Variants in TTYH2 observed in about 807,000 individuals in gnomAD.
The protein encoded by TTYH2 is protein tweety homolog 2.
A neutral mutation model predicts 68.3 loss-of-function variants in TTYH2; 49 were observed. That is an observed-to-expected ratio of 0.72 (90% CI 0.57 to 0.91). The LOEUF is 0.91. TTYH2 is among the 40% of genes least tolerant of loss of function. The probability of loss-of-function intolerance (pLI) is 0.00; values close to 1 mark genes in which losing one functional copy is unlikely to be tolerated. For synonymous variants in TTYH2, 272 were observed against 300.8 expected (o/e 0.90, Z 0.99); for missense variants, 631 against 700.4 (o/e 0.90, Z 1.12).
chr17:74,245,347 C>T (rs894987178), intron 6 of TTYH2, among the ~76,000 whole-genome samples: 6 of 152,272 alleles, frequency 3.9e-5, no homozygotes, highest in Admixed American at 6.5e-5. Flanking sequence ...ATGCAGGCAG[C>T]TGCCTGGCCT....
At chr17:74,244,697 G>A (rs9898356) in intron 6 of TTYH2, among the ~76,000 whole-genome samples, 4,542 of 152,268 alleles carry the variant, frequency 0.03, 112 homozygotes, top group Non-Finnish European at 0.045. Context: ...CATTCACTCA[G>A]CTGACATTGT....
chr17:74,250,438 C>A, intron 10 of TTYH2, 81 bp downstream of exon 10: 1 of 1,204,852 alleles, frequency 8.3e-7, no homozygotes, highest in Non-Finnish European at 1.2e-6. Flanking sequence ...CCGGTAGAGG[C>A]CGAGGGGAGC....
At position 74,225,962 on chromosome 17, in the gene TTYH2, A is replaced by G. The variant is rs1475502063; in HGVS notation, c.302+3305A>G. Among the ~76,000 whole-genome samples, 9 of 152,174 alleles carry G rather than the reference A, an allele frequency of 5.9e-5. 1 individual carries two copies. On this transcript the variant is annotated intron_variant, in intron 2 of 13. Transcript: ENST00000269346. ...GGCTTACACCTGGGCGTGGGCAGTG[A>G]CCAGAGGGGAGTGCCCAGAGGAAGA...
In TTYH2 at chr17:74,219,103, G is replaced by T. The variant is rs141824359; in HGVS notation, c.130-3382G>T. Among the ~76,000 whole-genome samples the T allele has an allele frequency of 6.0e-3, 920 of 152,150 alleles. 7 individuals carry two copies. The highest frequency in any genetic ancestry group is 0.01 in the Middle Eastern group (3 of 294). Reference sequence around the variant, plus strand: ...ATGGTGGCACATGCCTGTAATCCCAGCTACTCAGGAGGCTGAGGCAGGAGA... The same window carrying T: ...ATGGTGGCACATGCCTGTAATCCCATCTACTCAGGAGGCTGAGGCAGGAGA... On this transcript the variant is annotated intron_variant, in intron 1 of 13. Transcript: ENST00000269346.
In TTYH2 at chr17:74,243,373, G is replaced by C. The variant is rs961658297; in HGVS notation, c.636-1G>C. The C allele has an allele frequency of 5.6e-6, 9 of 1,614,048 alleles. No homozygotes were observed. The Admixed American group carries it at 1.3e-4, about 24-fold the overall frequency. On this transcript the variant is annotated splice_acceptor_variant, in intron 4 of 13. Transcript: ENST00000269346. LOFTEE classifies it high-confidence loss of function. ...CTGACCATCCCTGCCCCTCTACCCA[G>C]GTGGCTCTCCTACCTCCTGCTCTTT... is the stretch of plus-strand genomic sequence containing the variant.
At position 74,222,755 on chromosome 17, in the gene TTYH2, A is replaced by T; in HGVS notation, c.302+98A>T. 2 of 1,317,802 alleles carry T rather than the reference A, an allele frequency of 1.5e-6. No homozygotes were observed. Among genetic ancestry groups the T allele is most frequent in the Non-Finnish European group, 2.0e-6 (2 of 993,988 alleles). The allele number at this position is 1,317,802 out of a possible 1,614,324, so 81.6% of individuals were successfully genotyped here. A position where few individuals can be genotyped will look rare whatever the true frequency, so the allele number is the denominator to read the frequency against. Reference sequence around the variant, plus strand: ...TTCTGACGGAGCTCCAGCTACCTTGATGGAAAAGCTTGTCCCCAGATGAAT... The same window carrying T: ...TTCTGACGGAGCTCCAGCTACCTTGTTGGAAAAGCTTGTCCCCAGATGAAT... On this transcript the variant is annotated intron_variant, in intron 2 of 13. Transcript: ENST00000269346. The surrounding 1 kb of genome is among the most constrained non-coding windows in gnomAD (Gnocchi z 5.2).
chr17:74,254,640 C>T (rs1455377731), intron 13 of TTYH2, among the ~76,000 whole-genome samples: 1 of 152,186 alleles, frequency 6.6e-6, no homozygotes, highest in East Asian at 1.9e-4. Context: ...AAAACCATAC[C>T]TGGATTGTAA....
In TTYH2 at chr17:74,260,300, A is replaced by C; in HGVS notation, c.*91A>C. On this transcript the variant is annotated 3_prime_UTR_variant, in exon 14 of 14. Coordinates refer to ENST00000269346, the MANE Select transcript of TTYH2 (RefSeq NM_032646.6). Reference sequence around the variant, plus strand: ...CGTTTCTTTAATAGAAACCAAAGGCATCTGGAGCCCGAGAGGCCTCCTGCT... The same window carrying C: ...CGTTTCTTTAATAGAAACCAAAGGCCTCTGGAGCCCGAGAGGCCTCCTGCT... 1 of 1,375,376 alleles carries C rather than the reference A, an allele frequency of 7.3e-7. No homozygotes were observed. Among genetic ancestry groups the C allele is most frequent in the Non-Finnish European group, 1.0e-6 (1 of 975,048 alleles). The allele number at this position is 1,375,376 out of a possible 1,614,324, so 85.2% of individuals were successfully genotyped here.
At chr17:74,236,825 G>A (rs947179578) in intron 3 of TTYH2, among the ~76,000 whole-genome samples, 1 of 152,050 alleles carries the variant, frequency 6.6e-6, no homozygotes, top group Non-Finnish European at 1.5e-5. Context: ...TCCTCCAGGG[G>A]CACAGGCTCG....
intron 6 of TTYH2, among the ~76,000 whole-genome samples, chr17:74,244,841 T>C (rs2050539187): frequency 6.7e-6 from 1 of 149,424 alleles, no homozygotes; most frequent in South Asian, 2.1e-4. Context: ...CAGGCTTTGA[T>C]ACAGTGGAGG....
intron 1 of TTYH2, among the ~76,000 whole-genome samples, chr17:74,216,989 G>A (rs1453390638): frequency 6.6e-6 from 1 of 152,236 alleles, no homozygotes; most frequent in African/African-American, 2.4e-5. Context: ...GCCAGCCGGT[G>A]TCCACTGGGC....
At position 74,215,764 on chromosome 17, in the gene TTYH2, C is replaced by T. The variant is rs376129653; in HGVS notation, c.129+2048C>T. On this transcript the variant is annotated intron_variant, in intron 1 of 13. Transcript: ENST00000269346. This position sits in a 1 kb window ranked among gnomAD's most constrained non-coding sequence, Gnocchi z 4.3. ...TCTCTCCTGGATGTCTTCTTTCCTC[C>T]TGAGCACCAGTCACTAACAGAGTCA... is the stretch of plus-strand genomic sequence containing the variant. 6.6e-7 allele frequency: 1 copy of T among 1,504,366 alleles called. No individual in the cohort carries two copies. The allele number at this position is 1,504,366 out of a possible 1,614,324, so 93.2% of individuals were successfully genotyped here.
Position 74,249,406 on chromosome 17 carries a change from C to T in TTYH2, c.930+7C>T, listed in dbSNP as rs372546326. On this transcript the variant is annotated splice_region_variant and intron_variant, in intron 8 of 13. Coordinates refer to ENST00000269346, the MANE Select transcript of TTYH2 (RefSeq NM_032646.6). ...AAGCAGCCCCTTCCAGCAGGTATGG[C>T]CCCCCGAGGCCTGCCCTCACCCTGC... is the stretch of plus-strand genomic sequence containing the variant. 4.3e-5 allele frequency: 70 copies of T among 1,613,092 alleles called. No homozygotes were observed. In the African/African-American group the frequency reaches 8.7e-4, roughly 20 times the overall value.
At chr17:74,242,360 C>G (rs1379052179) in intron 4 of TTYH2, among the ~76,000 whole-genome samples, 1 of 152,178 alleles carries the variant, frequency 6.6e-6, no homozygotes, top group Non-Finnish European at 1.5e-5. Flanking sequence ...CAGTGCCTGG[C>G]ACAAATGTTG....
intron 10 of TTYH2, chr17:74,250,618 G>C (rs2050613558): frequency 2.3e-6 from 1 of 444,358 alleles, no homozygotes; most frequent in Admixed American, 3.8e-5. Flanking sequence ...GGGGGACCCT[G>C]AACAATGCAA....
chr17:74,250,590 G>A (rs1023533920), intron 10 of TTYH2: 1 of 508,686 alleles, frequency 2.0e-6, no homozygotes, highest in Non-Finnish European at 3.5e-6. Flanking sequence ...GGTTGGATGC[G>A]GTTGGCTCTG....
At chr17:74,251,448 G>A (rs2050628794) in intron 10 of TTYH2, among the ~76,000 whole-genome samples, 1 of 151,942 alleles carries the variant, frequency 6.6e-6, no homozygotes, top group African/African-American at 2.4e-5. Context: ...GGCACATCAG[G>A]GGCTTGGGTT....
At position 74,243,556 on chromosome 17, in the gene TTYH2, GT is replaced by G. The variant is rs2050523989; in HGVS notation, c.731+88del. 4.1e-6 allele frequency: 6 copies of G among 1,458,746 alleles called. No homozygotes were observed. In the African/African-American group the frequency reaches 8.4e-5, roughly 20 times the overall value. 90.4% of individuals were successfully genotyped at this position (1,458,746 alleles called of 1,614,324 possible). A position where few individuals can be genotyped will look rare whatever the true frequency, so the allele number is the denominator to read the frequency against. On this transcript the variant is annotated intron_variant, in intron 5 of 13. Coordinates refer to ENST00000269346, the MANE Select transcript of TTYH2 (RefSeq NM_032646.6). ...AGACGAGGGCCTGGCCAGCTCCAGA[GT>G]GTGGGGAAAATAGCCAGGCTGCCTG... is the stretch of plus-strand genomic sequence containing the variant.
chr17:74,220,401 G>A (rs2143716038), intron 1 of TTYH2, among the ~76,000 whole-genome samples: 1 of 152,346 alleles, frequency 6.6e-6, no homozygotes, highest in Admixed American at 6.5e-5. Flanking sequence ...CATCTCTAGA[G>A]GCAGGTCTGA....
Sources: allele counts gnomAD v4.1 joint callset (sites outside exome capture counted in the v4.1 genomes callset), GRCh38; gene constraint gnomAD v4.1.1; non-coding constraint Gnocchi (gnomAD v3.1); transcripts MANE v1.5; gene names NCBI Gene and HGNC (gene_info 2026-07-23, HGNC 2026-07-21).